The following INVS variants were observed in gnomAD, a reference collection of about 807,000 sequenced individuals.
INVS encodes inversion of embryo turning homolog.
Under a neutral mutation model 108.8 loss-of-function variants are expected in INVS, and 86 were observed. The ratio of observed to expected loss-of-function variants is 0.79; its 90% CI spans 0.66 to 0.95. The LOEUF (loss-of-function observed/expected upper bound fraction) is 0.95. Among genes scored for constraint, INVS ranks in the 40% least tolerant of loss-of-function variants. The pLI, the probability that INVS is intolerant of heterozygous loss-of-function variation, is 0.00. For synonymous variants in INVS, 455 were observed against 473.5 expected, an observed-to-expected ratio of 0.96 and a Z score of 0.51; for missense variants, 1,169 against 1,297.4, an observed-to-expected ratio of 0.90 and a Z score of 1.52.
At chr9:100,105,031 G>C (rs1315985363) in intron 2 of INVS, among the ~76,000 whole-genome samples, 1 of 152,066 alleles carries the variant, frequency 6.6e-6, no homozygotes, top group East Asian at 1.9e-4. Context: ...CCTGTGATTT[G>C]CATATATAAG....
chr9:100,236,613 C>T (rs754103228), intron 5 of INVS, among the ~76,000 whole-genome samples: 1 of 152,170 alleles, frequency 6.6e-6, no homozygotes, highest in Non-Finnish European at 1.5e-5. Flanking sequence ...ATAGTCAGGC[C>T]TCTCTTCTAG....
chr9:100,176,608 CTAGGA>C (rs747731289), intron 3 of INVS, among the ~76,000 whole-genome samples: 54 of 152,052 alleles, frequency 3.6e-4, no homozygotes, highest in Middle Eastern at 3.2e-3. Context: ...TCCCAAGTAG[CTAGGA>C]TTACAGGCAC....
chr9:100,110,726 A>G (rs1314502656), intron 2 of INVS, among the ~76,000 whole-genome samples: 2 of 152,212 alleles, frequency 1.3e-5, no homozygotes, highest in African/African-American at 4.8e-5. Context: ...GTTGAGACAT[A>G]ACAATATTCT....
At position 100,242,437 on chromosome 9, in the gene INVS, G is replaced by C. The variant is rs949742314; in HGVS notation, c.797-133G>C. On this transcript the variant is annotated intron_variant, in intron 6 of 16. Coordinates refer to ENST00000262457, the MANE Select transcript of INVS (RefSeq NM_014425.5). ...TGAGAAGTTAGAAGAGGCTGCATTG[G>C]GGGCTGCTGTTCAGAAACCGTTGTG... The C allele has an allele frequency of 4.7e-6, 3 of 634,128 alleles. No individual in the cohort carries two copies. In the African/African-American group the frequency reaches 5.5e-5, roughly 12 times the overall value. The allele number at this position is 634,128 out of a possible 1,614,324, so 39.3% of individuals were successfully genotyped here.
chr9:100,160,052 G>T (rs1366907701), intron 3 of INVS, among the ~76,000 whole-genome samples: 1 of 152,188 alleles, frequency 6.6e-6, no homozygotes, highest in Non-Finnish European at 1.5e-5. Context: ...AGCAGCATCA[G>T]GCTTTGCTCT....
intron 14 of INVS, among the ~76,000 whole-genome samples, chr9:100,294,236 A>ACAAGG (rs1393529780): frequency 2.6e-5 from 4 of 152,282 alleles, no homozygotes; most frequent in Middle Eastern, 3.4e-3. Context: ...GGGGAGGGAG[A>ACAAGG]CAAGGCAAGG....
At chr9:100,251,638 C>A (rs996920393) in intron 8 of INVS, among the ~76,000 whole-genome samples, 9 of 152,100 alleles carry the variant, frequency 5.9e-5, no homozygotes, top group African/African-American at 2.2e-4. Context: ...TTCAAGCAGT[C>A]CTCCTGCCTC....
chr9:100,140,348 G>C (rs936820755), intron 3 of INVS, among the ~76,000 whole-genome samples: 2 of 152,116 alleles, frequency 1.3e-5, no homozygotes, highest in East Asian at 1.9e-4. Context: ...TACAGTCAAA[G>C]GGGGGTTGTT....
intron 4 of INVS, among the ~76,000 whole-genome samples, chr9:100,228,885 T>C (rs1004322558): frequency 6.6e-6 from 1 of 152,222 alleles, no homozygotes; most frequent in Non-Finnish European, 1.5e-5. Context: ...ACACCTCCAA[T>C]GGACACTTGA....
chr9:100,169,803 T>C (rs1438156602), intron 3 of INVS, among the ~76,000 whole-genome samples: 5 of 152,182 alleles, frequency 3.3e-5, no homozygotes, highest in Non-Finnish European at 7.4e-5. Flanking sequence ...TATAAACCCA[T>C]GGTCCCTTTT....
chr9:100,159,976 C>T (rs543303477), intron 3 of INVS, among the ~76,000 whole-genome samples: 1 of 152,258 alleles, frequency 6.6e-6, no homozygotes, highest in South Asian at 2.1e-4. Flanking sequence ...GGGAAGAACC[C>T]ACTTCATGAT....
intron 3 of INVS, among the ~76,000 whole-genome samples, chr9:100,154,433 TC>T (rs2118991393): frequency 7.3e-6 from 1 of 137,342 alleles, no homozygotes; most frequent in East Asian, 2.4e-4. Flanking sequence ...CTCTTCAGCC[TC>T]CCAAAGTGCT....
chr9:100,164,899 T>TC (rs1351225594), intron 3 of INVS, among the ~76,000 whole-genome samples: 1 of 150,224 alleles, frequency 6.7e-6, no homozygotes, highest in African/African-American at 2.4e-5. Context: ...GCTTTTTCTT[T>TC]TTTTTTTTTT....
Position 100,202,818 on chromosome 9 carries a change from C to T in INVS, c.274-23244C>T, listed in dbSNP as rs370547632. 6.6e-5 allele frequency among the ~76,000 whole-genome samples: 10 copies of T among 152,316 alleles called. No homozygotes were observed. The South Asian group carries it at 1.0e-3, about 16-fold the overall frequency. The stretch of plus-strand genomic sequence containing the variant: ...CATAAATTTAGTCTCCTTAGACTAA[C>T]TAGATTTATTGTGGGCTATCAGAAA... On this transcript the variant is annotated intron_variant, in intron 3 of 16. Transcript: ENST00000262457.
intron 3 of INVS, among the ~76,000 whole-genome samples, chr9:100,155,133 C>T (rs1044024882): frequency 6.6e-6 from 1 of 151,646 alleles, no homozygotes; most frequent in South Asian, 2.1e-4. Flanking sequence ...ATTGCTTGAA[C>T]CCGGGAGGCA....
chr9:100,287,393 C>A (rs1346251561), intron 13 of INVS, among the ~76,000 whole-genome samples: 1 of 152,178 alleles, frequency 6.6e-6, no homozygotes, highest in Non-Finnish European at 1.5e-5. Context: ...ATAGATTCCA[C>A]CTTTGTGCAT....
At chr9:100,109,909 C>T (rs1459686626) in intron 2 of INVS, among the ~76,000 whole-genome samples, 8 of 152,302 alleles carry the variant, frequency 5.3e-5, no homozygotes, top group African/African-American at 1.4e-4. Context: ...TCAAGTGATC[C>T]GCCCGCCTCG....
intron 14 of INVS, among the ~76,000 whole-genome samples, chr9:100,294,017 A>G: frequency 6.6e-6 from 1 of 152,020 alleles, no homozygotes; most frequent in East Asian, 1.9e-4. Flanking sequence ...AAAGTACAAC[A>G]ATTACCTACG....
rs975596772 is a variant in INVS, at chr9:100,229,774, T to G, written c.562T>G (p.Trp188Gly). 1 of 1,614,184 alleles carries G rather than the reference T, an allele frequency of 6.2e-7. No homozygotes were observed. Among genetic ancestry groups the G allele is most frequent in the African/African-American group, 1.3e-5 (1 of 75,058 alleles). ...PDVEGKIPLH[W>G]AANHKDPSAV... ...TGTTGAAGGCAAGATCCCACTTCAC[T>G]GGGCAGCCAACCATAAAGATCCAAG... The change falls in exon 5 of 17, where the codon TGG becomes GGG. Residue 188 changes from tryptophan to glycine, a missense_variant. By Grantham distance (184) the Trp-to-Gly change is radical. Around this residue, in one of 3 missense-constraint regions of INVS, gnomAD observed 365 missense variants for 397.5 expected, o/e 0.92. Coordinates refer to ENST00000262457, the MANE Select transcript of INVS (RefSeq NM_014425.5).
Sources: gnomAD v4.1 joint callset for allele counts (sites outside exome capture counted in the v4.1 genomes callset) on GRCh38, gnomAD v4.1.1 for gene constraint, gnomAD v4.1.1 regional missense constraint, MANE v1.5 for transcripts, NCBI Gene and HGNC (gene_info 2026-07-23, HGNC 2026-07-21) for gene names.